PRICKLE2: variants seen among roughly 807,000 people sequenced by gnomAD.
PRICKLE2 encodes the protein prickle planar cell polarity protein 2.
PRICKLE2 carries 21 observed loss-of-function variants against 81.4 expected under a neutral mutation model. The observed-to-expected ratio is 0.26, with a 90% CI of 0.18 to 0.37. PRICKLE2 has a LOEUF of 0.37. Among genes scored for constraint, PRICKLE2 ranks in the 10% least tolerant of loss-of-function variants. PRICKLE2 has a pLI of 1.00. For missense variants in PRICKLE2, 940 were observed against 1,109.0 expected, an observed-to-expected ratio of 0.85 and a Z score of 2.16; for synonymous variants, 456 against 421.5, an observed-to-expected ratio of 1.08 and a Z score of -1.00.
intron 7 of PRICKLE2, among the ~76,000 whole-genome samples, chr3:64,120,169 C>T (rs2077002993): frequency 1.3e-5 from 2 of 152,116 alleles, no homozygotes; most frequent in Non-Finnish European, 2.9e-5. Flanking sequence ...GTACTACACC[C>T]AGGTAACCTG....
At chr3:64,112,060 C>T (rs896878152) in intron 7 of PRICKLE2, among the ~76,000 whole-genome samples, 1 of 152,206 alleles carries the variant, frequency 6.6e-6, no homozygotes, top group Non-Finnish European at 1.5e-5. Flanking sequence ...ATGGCTGGCA[C>T]ACATGGTTCC....
rs1160664937 is a variant in PRICKLE2 at position 64,095,821 on chromosome 3, C to G, written c.*3230G>C. Reference sequence around the variant, plus strand: ...GAAAGAAGGTGTCAAACAACCCACACCAGGACTTCTTCCTTGGATGTATGA... The same window carrying G: ...GAAAGAAGGTGTCAAACAACCCACAGCAGGACTTCTTCCTTGGATGTATGA... On this transcript the variant is annotated 3_prime_UTR_variant, in exon 8 of 8. Transcript: ENST00000638394. 6.6e-6 allele frequency: 1 copy of G among 152,172 alleles called. No homozygotes were observed. Among genetic ancestry groups the G allele is most frequent in the Non-Finnish European group, 1.5e-5 (1 of 68,036 alleles). The allele number at this position is 152,172 out of a possible 1,614,324, so 9.4% of individuals were successfully genotyped here.
At chr3:64,264,060 C>T (rs2079658152) in intron 2 of PRICKLE2, among the ~76,000 whole-genome samples, 1 of 152,032 alleles carries the variant, frequency 6.6e-6, no homozygotes, top group South Asian at 2.1e-4. Context: ...ACCCCACCCC[C>T]CACTCCACAA....
intron 2 of PRICKLE2, among the ~76,000 whole-genome samples, chr3:64,266,490 C>T (rs1327469497): frequency 1.3e-5 from 2 of 152,162 alleles, no homozygotes; most frequent in Admixed American, 1.3e-4. Flanking sequence ...ATATGCCTCC[C>T]TAACCCCCAC....
intron 7 of PRICKLE2, among the ~76,000 whole-genome samples, chr3:64,139,240 C>G (rs2077323278): frequency 6.6e-6 from 1 of 152,162 alleles, no homozygotes; most frequent in Non-Finnish European, 1.5e-5. Context: ...GGTAGGAAGC[C>G]CTTTCAGATT....
At chr3:64,251,968 G>T (rs1271589535) in intron 2 of PRICKLE2, among the ~76,000 whole-genome samples, 2 of 152,136 alleles carry the variant, frequency 1.3e-5, no homozygotes, top group African/African-American at 4.8e-5. Flanking sequence ...AAGGATGGGG[G>T]CTTCTTGCCA....
At chr3:64,211,693 A>C (rs755965583) in intron 1 of PRICKLE2, among the ~76,000 whole-genome samples, 2 of 152,202 alleles carry the variant, frequency 1.3e-5, no homozygotes, top group Non-Finnish European at 2.9e-5. Context: ...ACAAAATAAA[A>C]AGTTTTAAAA....
chr3:64,199,140 C>T lies in PRICKLE2; in HGVS notation c.-40-173G>A, dbSNP rs147426340. On this transcript the variant is annotated intron_variant, in intron 1 of 7. Coordinates refer to ENST00000638394, the MANE Select transcript of PRICKLE2 (RefSeq NM_198859.4). ...AGAACATGACTGTCTTTGCAGAGGGCGTGGTACACGCATGTGAAAACAGCA... is the reference window on the plus strand; with the variant it reads ...AGAACATGACTGTCTTTGCAGAGGGTGTGGTACACGCATGTGAAAACAGCA... The T allele has an allele frequency of 2.7e-4, 178 of 661,314 alleles. 2 individuals are homozygous for T. In the East Asian group the frequency reaches 4.6e-3, roughly 17 times the overall value. 41.0% of individuals were successfully genotyped at this position (661,314 alleles called of 1,614,324 possible). A position where few individuals can be genotyped will look rare whatever the true frequency, so the allele number is the denominator to read the frequency against.
upstream of PRICKLE2, among the ~76,000 whole-genome samples, chr3:64,228,080 C>T (rs1039861663): frequency 6.6e-6 from 1 of 152,172 alleles, no homozygotes; most frequent in Non-Finnish European, 1.5e-5. Context: ...TGAAACTATA[C>T]ACCAGGACAA....
Position 64,157,273 on chromosome 3 carries a change from A to G in PRICKLE2, c.489T>C (p.Thr163=). ...GATCCACCAGGAGCTCATTGCAGAC[A>G]GTGCATACGAAGCACGGCGGGTGCC... ...VCWHPPCFVC[T]VCNELLVDLI... Residue 163 remains threonine (T), a synonymous_variant, in exon 5 of 8, where the codon ACT becomes ACC. Transcript: ENST00000638394. The G allele has an allele frequency of 3.1e-6, 5 of 1,614,226 alleles. No homozygotes were observed. Among genetic ancestry groups the G allele is most frequent in the Non-Finnish European group, 4.2e-6 (5 of 1,180,030 alleles).
rs774531608 is a variant in PRICKLE2, at chr3:64,147,163, C to A, written c.1327G>T (p.Gly443Cys). Residue 443 changes from glycine to cysteine, a missense_variant, in exon 7 of 8, where the codon GGC (glycine) becomes TGC (cysteine). By Grantham distance (159) the Gly-to-Cys change is radical (BLOSUM62 -3). Transcript: ENST00000638394. The surrounding 1 kb of genome is among the most constrained non-coding windows in gnomAD (Gnocchi z 5.0). ...QGAGAQPEMW[G>C]KHFSNPKRSS... ...CTTTTGGGGTTGCTGAAGTGCTTGC[C>A]CCACATTTCGGGCTGGGCCCCAGCC... The A allele has an allele frequency of 9.9e-6, 16 of 1,613,966 alleles. No individual in the cohort carries two copies. Among genetic ancestry groups the A allele is most frequent in the African/African-American group, 1.3e-5 (1 of 74,894 alleles).
At chr3:64,201,641 G>C (rs922667391) in intron 1 of PRICKLE2, among the ~76,000 whole-genome samples, 2 of 152,072 alleles carry the variant, frequency 1.3e-5, no homozygotes, top group Non-Finnish European at 2.9e-5. Context: ...CTGGATACAA[G>C]TCCTTTATCA....
At chr3:64,248,149 A>C (rs2079387467) in intron 2 of PRICKLE2, among the ~76,000 whole-genome samples, 1 of 152,228 alleles carries the variant, frequency 6.6e-6, no homozygotes, top group Non-Finnish European at 1.5e-5. Context: ...ATGTAAGTGC[A>C]TATTAGAAAT....
At chr3:64,177,943 T>C (rs970771181) in intron 2 of PRICKLE2, among the ~76,000 whole-genome samples, 7 of 152,250 alleles carry the variant, frequency 4.6e-5, no homozygotes, top group African/African-American at 1.7e-4. Flanking sequence ...CTGGATGATA[T>C]GGTAATTCTG....
chr3:64,116,365 G>A (rs957949121), intron 7 of PRICKLE2, among the ~76,000 whole-genome samples: 1 of 151,878 alleles, frequency 6.6e-6, no homozygotes, highest in Admixed American at 6.6e-5. Flanking sequence ...AACTGAAGGA[G>A]ACTGAGACAC....
intron 2 of PRICKLE2, among the ~76,000 whole-genome samples, chr3:64,168,318 G>T (rs894461800): frequency 7.9e-5 from 12 of 152,084 alleles, no homozygotes; most frequent in African/African-American, 2.7e-4. Flanking sequence ...GGAAGAAGAA[G>T]AATTGTCTTG....
At chr3:64,262,482 G>A (rs1338945430) in intron 2 of PRICKLE2, among the ~76,000 whole-genome samples, 1 of 152,058 alleles carries the variant, frequency 6.6e-6, no homozygotes. Context: ...TGGAGCTCAG[G>A]AGAGAGGTCC....
intron 7 of PRICKLE2, among the ~76,000 whole-genome samples, chr3:64,110,876 G>A (rs553288728): frequency 8.7e-5 from 13 of 149,908 alleles, no homozygotes; most frequent in African/African-American, 3.2e-4. Flanking sequence ...GCAGGAGAAT[G>A]GCGTGAATCC....
intron 2 of PRICKLE2, among the ~76,000 whole-genome samples, chr3:64,262,524 T>A (rs1335693792): frequency 6.6e-6 from 1 of 150,608 alleles, no homozygotes; most frequent in Non-Finnish European, 1.5e-5. Context: ...TAGTCAAGAG[T>A]CCAGTGTAAC....
Sources: gnomAD v4.1 joint callset for allele counts (sites outside exome capture counted in the v4.1 genomes callset) on GRCh38, gnomAD v4.1.1 for gene constraint, Gnocchi (gnomAD v3.1) non-coding constraint, MANE v1.5 for transcripts, NCBI Gene and HGNC (gene_info 2026-07-23, HGNC 2026-07-21) for gene names.